Variants in SHTN1 observed in about 807,000 individuals in gnomAD.
SHTN1 encodes the protein shootin 1.
SHTN1 carries 42 observed loss-of-function variants against 83.1 expected under a neutral mutation model. The ratio of observed to expected loss-of-function variants is 0.51; its 90% CI spans 0.39 to 0.65. The LOEUF is 0.65. SHTN1 is among the 30% of genes least tolerant of loss of function. The pLI, the probability that SHTN1 is intolerant of heterozygous loss-of-function variation, is 0.00. For synonymous variants in SHTN1, 224 were observed against 247.7 expected, an observed-to-expected ratio of 0.90 and a Z score of 0.90; for missense variants, 622 against 737.8, an observed-to-expected ratio of 0.84 and a Z score of 1.82.
At chr10:116,935,717 T>C (rs1849134832) in intron 9 of SHTN1, among the ~76,000 whole-genome samples, 2 of 152,210 alleles carry the variant, frequency 1.3e-5, no homozygotes, top group South Asian at 2.1e-4. Context: ...TTTCTATTGC[T>C]TGGAATAGTT....
At chr10:117,018,592 G>A (rs1276484406) in intron 2 of SHTN1, among the ~76,000 whole-genome samples, 2 of 109,132 alleles carry the variant, frequency 1.8e-5, no homozygotes, top group Non-Finnish European at 3.5e-5. Context: ...TTTTTTTTGA[G>A]ATGGAGTCTT....
At chr10:117,043,269 G>C (rs1852612377) in intron 2 of SHTN1, among the ~76,000 whole-genome samples, 1 of 151,970 alleles carries the variant, frequency 6.6e-6, no homozygotes, top group Non-Finnish European at 1.5e-5. Flanking sequence ...GAGTAGCTGG[G>C]ACTACAGGTG....
At chr10:117,075,796 A>G (rs959002306) in intron 1 of SHTN1, among the ~76,000 whole-genome samples, 5 of 152,198 alleles carry the variant, frequency 3.3e-5, no homozygotes, top group African/African-American at 1.2e-4. Context: ...TAGAACAATC[A>G]TGTAAGGAGG....
chr10:117,030,077 C>T lies in SHTN1; in HGVS notation c.-123+18368G>A, dbSNP rs1259882678. ...CTAATTTTTGTATTTTTAGTAGAGA[C>T]GGGGTTTCACCATGTTGGCCAGAAT... On this transcript the variant is annotated intron_variant, in intron 2 of 17. Transcript: ENST00000392901. 5.9e-5 allele frequency among the ~76,000 whole-genome samples: 9 copies of T among 151,918 alleles called. No individual in the cohort carries two copies. In the East Asian group the frequency reaches 9.7e-4, roughly 16 times the overall value.
At chr10:116,921,290 G>A (rs1000348522) in intron 12 of SHTN1, 144 bp downstream of exon 12, 17 of 583,990 alleles carry the variant, frequency 2.9e-5, no homozygotes, top group Admixed American at 9.7e-5. Context: ...AGGCAATGAC[G>A]GTTACTGGTT....
At chr10:117,051,999 CATATATATATATAT>C (rs71013635) in intron 1 of SHTN1, among the ~76,000 whole-genome samples, 5 of 34,116 alleles carry the variant, frequency 1.5e-4, no homozygotes, top group Admixed American at 1.2e-3. Context: ...ATGACATAAT[CATATATATATATAT>C]ATATATATAG....
At chr10:117,121,281 C>T (rs767493851) in intron 1 of SHTN1, among the ~76,000 whole-genome samples, 2 of 152,124 alleles carry the variant, frequency 1.3e-5, no homozygotes, top group Admixed American at 6.6e-5. Flanking sequence ...ATTACGTATA[C>T]AATTCTAAAT....
At chr10:116,913,894 C>T (rs1848291877) in intron 13 of SHTN1, among the ~76,000 whole-genome samples, 1 of 152,182 alleles carries the variant, frequency 6.6e-6, no homozygotes, top group Non-Finnish European at 1.5e-5. Context: ...CACTCTCTTG[C>T]CAGACACCAG....
At chr10:116,954,407 A>G (rs1472707089) in intron 4 of SHTN1, among the ~76,000 whole-genome samples, 197 bp from the exon 5 acceptor site, 1 of 152,230 alleles carries the variant, frequency 6.6e-6, no homozygotes, top group Non-Finnish European at 1.5e-5. Flanking sequence ...TGTCTGGATT[A>G]CAGCCAGCAG....
intron 14 of SHTN1, chr10:116,907,930 C>G (rs1352182531): frequency 3.9e-6 from 2 of 517,076 alleles, no homozygotes; most frequent in Non-Finnish European, 7.7e-6. Context: ...CTGAAGGATT[C>G]TAATAATTCT....
Position 116,901,643 on chromosome 10 carries a change from A to C in SHTN1, c.1673+122T>G, listed in dbSNP as rs962695174. ...AAAAGCTGGCCCATCAAATGAAAAG[A>C]AGAAGAGAATTTACCGGCGAGCCAA... On this transcript the variant is annotated intron_variant, in intron 16 of 16. Coordinates refer to ENST00000355371, the MANE Select transcript of SHTN1 (RefSeq NM_001127211.3). 120 of 1,355,992 alleles carry C rather than the reference A, an allele frequency of 8.8e-5. 1 individual carries two copies. In the Middle Eastern group the frequency reaches 2.6e-3, roughly 30 times the overall value. 84.0% of individuals were successfully genotyped at this position (1,355,992 alleles called of 1,614,324 possible).
At chr10:117,030,969 C>T (rs1198559901) in intron 2 of SHTN1, among the ~76,000 whole-genome samples, 1 of 151,914 alleles carries the variant, frequency 6.6e-6, no homozygotes, top group African/African-American at 2.4e-5. Context: ...AGAGGACTTC[C>T]CAAACCTAGA....
chr10:117,072,592 G>T (rs1186207626), intron 1 of SHTN1, among the ~76,000 whole-genome samples: 1 of 152,168 alleles, frequency 6.6e-6, no homozygotes, highest in Admixed American at 6.5e-5. Flanking sequence ...CTTGCTAGGT[G>T]GCTAGACCCA....
chr10:117,019,434 T>C (rs1033578382), intron 2 of SHTN1, among the ~76,000 whole-genome samples: 7 of 152,178 alleles, frequency 4.6e-5, no homozygotes, highest in African/African-American at 1.7e-4. Flanking sequence ...TCCTCCTACT[T>C]TGGCCTCTCA....
intron 9 of SHTN1, among the ~76,000 whole-genome samples, chr10:116,939,359 G>A (rs1849282478): frequency 6.6e-6 from 1 of 152,186 alleles, no homozygotes; most frequent in African/African-American, 2.4e-5. Context: ...CGTAGTATCT[G>A]GGCTGGAGAG....
At position 116,886,333 on chromosome 10, in the gene SHTN1, T is replaced by C. The variant is rs988304004; in HGVS notation, c.*11A>G. ...AGGACTTCCAAACATGTCAGGCTTC[T>C]GGTTTATGGATCAGCAGTTGGAGCT... is the stretch of plus-strand genomic sequence containing the variant. On this transcript the variant is annotated 3_prime_UTR_variant, in exon 17 of 17. Coordinates refer to ENST00000355371, the MANE Select transcript of SHTN1 (RefSeq NM_001127211.3). The C allele has an allele frequency of 3.9e-6, 6 of 1,552,332 alleles. No individual in the cohort carries two copies. In the African/African-American group the frequency reaches 8.2e-5, roughly 21 times the overall value.
At chr10:116,941,316 G>C (rs902784653) in intron 8 of SHTN1, among the ~76,000 whole-genome samples, 1 of 152,210 alleles carries the variant, frequency 6.6e-6, no homozygotes, top group Non-Finnish European at 1.5e-5. Context: ...GTAGTTAACA[G>C]TAGAAGGGTA....
intron 16 of SHTN1, among the ~76,000 whole-genome samples, chr10:116,899,716 T>G (rs947322497): frequency 2.0e-5 from 3 of 152,202 alleles, no homozygotes; most frequent in African/African-American, 7.2e-5. Context: ...ACTACTAGAA[T>G]GCAAAGACAG....
intron 1 of SHTN1, among the ~76,000 whole-genome samples, chr10:116,985,033 T>C (rs901175270): frequency 6.6e-6 from 1 of 152,194 alleles, no homozygotes. Context: ...GCCTTCCCCA[T>C]ATACTTCATG....
Sources: allele counts gnomAD v4.1 joint callset (sites outside exome capture counted in the v4.1 genomes callset), GRCh38; gene constraint gnomAD v4.1.1; transcripts MANE v1.5; gene names NCBI Gene and HGNC (gene_info 2026-07-23, HGNC 2026-07-21).